COQ10B: variants seen among roughly 807,000 people sequenced by gnomAD.
COQ10B encodes the protein coenzyme Q-binding protein COQ10 homolog B, mitochondrial.
Under a neutral mutation model 27.6 loss-of-function variants are expected in COQ10B, and 12 were observed. The observed-to-expected ratio is 0.43, with a 90% CI of 0.28 to 0.70. COQ10B has a LOEUF of 0.70. Among genes scored for constraint, COQ10B ranks in the 30% least tolerant of loss-of-function variants. The pLI, the probability that COQ10B is intolerant of heterozygous loss-of-function variation, is 0.17. For missense variants in COQ10B, 278 were observed against 288.7 expected (o/e 0.96, Z 0.27); for synonymous variants, 115 against 103.0 (o/e 1.12, Z -0.71).
chr2:197,470,878 A>G (rs1232751360), intron 4 of COQ10B, among the ~76,000 whole-genome samples: 1 of 152,106 alleles, frequency 6.6e-6, no homozygotes, highest in Non-Finnish European at 1.5e-5. Flanking sequence ...CTGGGCAACA[A>G]GAGCAAAACT....
chr2:197,475,111 A>T lies in COQ10B; in HGVS notation c.*1187A>T, dbSNP rs1373836338. The T allele has an allele frequency of 6.6e-6, 1 of 152,266 alleles. No individual in the cohort carries two copies. Among genetic ancestry groups the T allele is most frequent in the African/African-American group, 2.4e-5 (1 of 41,430 alleles). 9.4% of individuals were successfully genotyped at this position (152,266 alleles called of 1,614,324 possible). On this transcript the variant is annotated 3_prime_UTR_variant, in exon 5 of 5. Coordinates refer to ENST00000263960, the MANE Select transcript of COQ10B (RefSeq NM_025147.5). ...GTTGAAGTAGCAATGTAATAAAGTTAATTTGTTTATTTTTTGTACAGTTAG... is the reference window on the plus strand; with the variant it reads ...GTTGAAGTAGCAATGTAATAAAGTTTATTTGTTTATTTTTTGTACAGTTAG...
intron 3 of COQ10B, 92 bp from the exon 4 acceptor site, chr2:197,469,978 G>A (rs1277988145): frequency 1.1e-5 from 8 of 717,998 alleles, no homozygotes; most frequent in South Asian, 7.4e-5. Context: ...TATTACTTAT[G>A]AAAGAAATCA....
chr2:197,453,605 G>A lies in COQ10B; in HGVS notation c.45G>A (p.Ser15=). ...ATACGGCCTTGAGAAGGGTAGTCTC[G>A]GGATGCCGTCCGAAGTCGGCGACAG... ...TGHTALRRVV[S]GCRPKSATAA... The change falls in exon 1 of 5, where the codon TCG becomes TCA. Residue 15 remains serine, a synonymous_variant. Transcript: ENST00000263960. The A allele has an allele frequency of 2.5e-6, 4 of 1,613,986 alleles. No individual in the cohort carries two copies. The East Asian group carries it at 6.7e-5, about 27-fold the overall frequency.
At chr2:197,456,493 A>G (rs1447456162) in intron 1 of COQ10B, among the ~76,000 whole-genome samples, 10 of 136,996 alleles carry the variant, frequency 7.3e-5, no homozygotes, top group African/African-American at 2.5e-4. Context: ...TGCTGGGCGC[A>G]GTGGCTCACG....
intron 4 of COQ10B, among the ~76,000 whole-genome samples, chr2:197,471,367 T>C (rs570386021): frequency 5.7e-4 from 87 of 152,114 alleles, no homozygotes; most frequent in Admixed American, 3.2e-3. Flanking sequence ...GTCTCGAACT[T>C]CTGGGCTCAG....
At chr2:197,457,822 A>T (rs2085715823) in intron 1 of COQ10B, among the ~76,000 whole-genome samples, 1 of 152,102 alleles carries the variant, frequency 6.6e-6, no homozygotes, top group African/African-American at 2.4e-5. Flanking sequence ...GGGTTTCGCC[A>T]TGTTGGCCAG....
At chr2:197,469,943 C>A in intron 3 of COQ10B, 127 bp from the exon 4 acceptor site, 1 of 483,788 alleles carries the variant, frequency 2.1e-6, no homozygotes, top group Non-Finnish European at 3.7e-6. Flanking sequence ...ATATCTTTAT[C>A]TCCTATGGTC....
intron 3 of COQ10B, among the ~76,000 whole-genome samples, chr2:197,465,384 G>C: frequency 6.6e-6 from 1 of 150,868 alleles, no homozygotes; most frequent in East Asian, 2.0e-4. Context: ...CTGCCTCCCG[G>C]ATTCAAGTGA....
At chr2:197,462,343 C>A (rs1241151976) in intron 2 of COQ10B, among the ~76,000 whole-genome samples, 196 bp from the exon 3 acceptor site, 1 of 151,308 alleles carries the variant, frequency 6.6e-6, no homozygotes, top group Non-Finnish European at 1.5e-5. Context: ...TCTGCCATAT[C>A]ATGTATGTGT....
At position 197,472,458 on chromosome 2, in the gene COQ10B, T is replaced by C. The variant is rs563931937; in HGVS notation, c.550-1299T>C. On this transcript the variant is annotated intron_variant, in intron 4 of 4. Transcript: ENST00000263960. ...CAAAACAAAACAAAACAACAACAAC[T>C]ACAAAATAAGGTGGATTGGACAAGC... is the stretch of plus-strand genomic sequence containing the variant. Among the ~76,000 whole-genome samples, 6 of 149,780 alleles carry C rather than the reference T, an allele frequency of 4.0e-5. No individual in the cohort carries two copies. The South Asian group carries it at 1.3e-3, about 32-fold the overall frequency.
In COQ10B at chr2:197,462,693, A is replaced by C; in HGVS notation, c.409A>C (p.Thr137Pro). 6.3e-7 allele frequency: 1 copy of C among 1,589,286 alleles called. No homozygotes were observed. The highest frequency in any genetic ancestry group is 8.5e-7 in the Non-Finnish European group (1 of 1,171,558). ...IGFPPVLERY[T>P]SVVTLVKPHL... is the part of the protein sequence containing the mutation. Reference sequence around the variant, plus strand: ...ATTTCCACCTGTGTTGGAGCGATATACATCAGTAGTAACCTTGGTGAAACC... The same window carrying C: ...ATTTCCACCTGTGTTGGAGCGATATCCATCAGTAGTAACCTTGGTGAAACC... Residue 137 changes from threonine (T) to proline (P), a missense_variant, in exon 3 of 5, where the codon ACA becomes CCA. Transcript: ENST00000263960.
At chr2:197,473,404 A>AG (rs1559295995) in intron 4 of COQ10B, among the ~76,000 whole-genome samples, 1 of 57,482 alleles carries the variant, frequency 1.7e-5, no homozygotes, top group Non-Finnish European at 3.2e-5. Context: ...CCCCCCCACA[A>AG]AAAAAAAAAA....
intron 2 of COQ10B, among the ~76,000 whole-genome samples, chr2:197,461,685 A>G (rs1277551691): frequency 6.6e-6 from 1 of 150,720 alleles, no homozygotes. Context: ...GTCTCACTCT[A>G]TAGCCCAGGC....
Position 197,459,927 on chromosome 2 carries a change from T to C in COQ10B, c.105-5T>C, listed in dbSNP as rs2085737743. 1.3e-6 allele frequency: 2 copies of C among 1,576,062 alleles called. No homozygotes were observed. Among genetic ancestry groups the C allele is most frequent in the South Asian group, 2.4e-5 (2 of 83,504 alleles). On this transcript the variant is annotated splice_polypyrimidine_tract_variant and splice_region_variant and intron_variant, in intron 1 of 4. Coordinates refer to ENST00000263960, the MANE Select transcript of COQ10B (RefSeq NM_025147.5). ...CTCTAAATCAGGTGATTTTTGTCTT[T>C]TCAGATATTTAGCTTCCTGTGGTAT...
intron 1 of COQ10B, chr2:197,454,086 T>C (rs2085669877): frequency 6.4e-7 from 1 of 1,551,096 alleles, no homozygotes; most frequent in Non-Finnish European, 8.7e-7. Context: ...ACCTGCCAGA[T>C]GGTCAGATGC....
intron 3 of COQ10B, among the ~76,000 whole-genome samples, chr2:197,467,946 G>A (rs1428739909): frequency 6.6e-6 from 1 of 152,170 alleles, no homozygotes; most frequent in Non-Finnish European, 1.5e-5. Context: ...GTATGGATTA[G>A]TTTATATAAT....
intron 2 of COQ10B, 94 bp from the exon 3 acceptor site, chr2:197,462,445 A>G: frequency 1.5e-6 from 1 of 656,446 alleles, no homozygotes; most frequent in East Asian, 3.1e-5. Context: ...TATTTATCAT[A>G]CACAGTAAGT....
At chr2:197,470,713 C>G (rs1051748642) in intron 4 of COQ10B, among the ~76,000 whole-genome samples, 5 of 152,100 alleles carry the variant, frequency 3.3e-5, no homozygotes, top group South Asian at 2.1e-4. Context: ...TGACCAATAT[C>G]ATGAAACCCC....
chr2:197,457,623 C>CT (rs564277877), intron 1 of COQ10B, among the ~76,000 whole-genome samples: 3,357 of 144,546 alleles, frequency 0.023, 76 homozygotes, highest in African/African-American at 0.054. Context: ...TTTTCAATTA[C>CT]TTTTTTTTTT....
Sources: allele counts gnomAD v4.1 joint callset (sites outside exome capture counted in the v4.1 genomes callset), GRCh38; gene constraint gnomAD v4.1.1; transcripts MANE v1.5; gene names NCBI Gene and HGNC (gene_info 2026-07-23, HGNC 2026-07-21).